The following PTPRT variants were observed in gnomAD, a reference collection of about 807,000 sequenced individuals.
The protein encoded by PTPRT is protein tyrosine phosphatase receptor type T, also known as receptor-type tyrosine-protein phosphatase T.
Under a neutral mutation model 176.8 loss-of-function variants are expected in PTPRT, and 56 were observed. The ratio of observed to expected loss-of-function variants is 0.32; its 90% CI spans 0.26 to 0.40. The LOEUF (loss-of-function observed/expected upper bound fraction) is 0.40. PTPRT is among the 10% of genes least tolerant of loss of function. PTPRT has a pLI of 1.00. For synonymous variants in PTPRT, 783 were observed against 739.0 expected (o/e 1.06, Z -0.96); for missense variants, 1,540 against 1,908.2 (o/e 0.81, Z 3.60).
At chr20:43,040,971 A>G (rs1239616870) in intron 1 of PTPRT, among the ~76,000 whole-genome samples, 1 of 152,248 alleles carries the variant, frequency 6.6e-6, no homozygotes, top group Non-Finnish European at 1.5e-5. Context: ...CACCCCGACC[A>G]GCAGCATCTG....
At chr20:42,321,802 G>C (rs950210920) in intron 11 of PTPRT, among the ~76,000 whole-genome samples, 5 of 152,152 alleles carry the variant, frequency 3.3e-5, no homozygotes, top group African/African-American at 7.2e-5. Context: ...AAGAATTTAA[G>C]GTCGAGCGCG....
chr20:42,164,244 G>C (rs1264610558), intron 16 of PTPRT, among the ~76,000 whole-genome samples: 1 of 152,220 alleles, frequency 6.6e-6, no homozygotes, highest in Non-Finnish European at 1.5e-5. Flanking sequence ...GCCTGGGAAA[G>C]ACAGGCTTCC....
intron 7 of PTPRT, among the ~76,000 whole-genome samples, chr20:42,564,027 C>A (rs371960598): frequency 6.6e-6 from 1 of 152,196 alleles, no homozygotes; most frequent in Non-Finnish European, 1.5e-5. Context: ...ATCTCACCAT[C>A]AGAAGAGGGA....
At chr20:42,566,634 G>A (rs1469235132) in intron 7 of PTPRT, among the ~76,000 whole-genome samples, 3 of 152,148 alleles carry the variant, frequency 2.0e-5, no homozygotes, top group Non-Finnish European at 4.4e-5. Context: ...GGACAAACTT[G>A]GAAGCCATGC....
chr20:42,468,469 C>T (rs926793547), intron 8 of PTPRT, among the ~76,000 whole-genome samples: 38 of 152,338 alleles, frequency 2.5e-4, no homozygotes, highest in African/African-American at 9.1e-4. Context: ...CCTCAGAATA[C>T]AGAACTGAGG....
At chr20:43,158,015 T>C (rs1055940424) in intron 1 of PTPRT, among the ~76,000 whole-genome samples, 1 of 139,292 alleles carries the variant, frequency 7.2e-6, no homozygotes, top group African/African-American at 2.6e-5. Context: ...CTGGCTGCCA[T>C]CTTGAGAGTA....
Position 43,074,477 on chromosome 20 carries a change from G to A in PTPRT, c.88+115169C>T, listed in dbSNP as rs575336019. Reference sequence around the variant, plus strand: ...TCATTTAATTCGACTCTGCAGGATGGAAAGTAACATTGAATAAGTCCTCAT... The same window carrying A: ...TCATTTAATTCGACTCTGCAGGATGAAAAGTAACATTGAATAAGTCCTCAT... On this transcript the variant is annotated intron_variant, in intron 1 of 30. Coordinates refer to ENST00000373187, the MANE Select transcript of PTPRT (RefSeq NM_007050.6). Among the ~76,000 whole-genome samples, 5 of 152,284 alleles carry A rather than the reference G, an allele frequency of 3.3e-5. No individual in the cohort carries two copies. In the South Asian group the frequency reaches 1.0e-3, roughly 32 times the overall value.
intron 7 of PTPRT, among the ~76,000 whole-genome samples, chr20:42,500,036 T>G (rs1158309121): frequency 6.6e-6 from 1 of 152,112 alleles, no homozygotes; most frequent in Admixed American, 6.5e-5. Context: ...TAATTTGAGT[T>G]TTTTTATCCA....
At chr20:42,116,394 C>T (rs1439424232) in intron 21 of PTPRT, among the ~76,000 whole-genome samples, 1 of 152,172 alleles carries the variant, frequency 6.6e-6, no homozygotes, top group Non-Finnish European at 1.5e-5. Context: ...TATAGTGCAA[C>T]AGAGCATGGG....
At chr20:42,033,474 G>C in the PTPRT span, among the ~76,000 whole-genome samples, 488 of 152,276 alleles carry the variant, frequency 3.2e-3, 3 homozygotes, top group African/African-American at 0.01. Context: ...TCTTTGTGGA[G>C]CTGCCATACT....
chr20:42,208,576 T>C (rs1310857529), intron 15 of PTPRT, among the ~76,000 whole-genome samples: 2 of 151,922 alleles, frequency 1.3e-5, no homozygotes, highest in Admixed American at 6.6e-5. Context: ...AAGGGATCAA[T>C]TCAACAAGAA....
chr20:42,340,194 T>G (rs2058092738), intron 11 of PTPRT, among the ~76,000 whole-genome samples: 1 of 152,182 alleles, frequency 6.6e-6, no homozygotes, highest in Non-Finnish European at 1.5e-5. Context: ...TTAACTAGCT[T>G]AAATTTAAAT....
intron 9 of PTPRT, among the ~76,000 whole-genome samples, chr20:42,413,615 G>T (rs1261244620): frequency 6.6e-6 from 1 of 152,122 alleles, no homozygotes; most frequent in Non-Finnish European, 1.5e-5. Flanking sequence ...GTGCAAGATG[G>T]TTCAATATTA....
At chr20:42,892,473 G>T (rs1397313077) in intron 1 of PTPRT, among the ~76,000 whole-genome samples, 1 of 150,644 alleles carries the variant, frequency 6.6e-6, no homozygotes, top group Non-Finnish European at 1.5e-5. Flanking sequence ...TTAATATCCA[G>T]CAGTGGAGCT....
intron 2 of PTPRT, among the ~76,000 whole-genome samples, chr20:42,851,174 T>A (rs2078463233): frequency 6.6e-6 from 1 of 152,212 alleles, no homozygotes; most frequent in African/African-American, 2.4e-5. Context: ...ATCTATTCTG[T>A]TCCCTGCACA....
At chr20:43,072,636 C>T (rs987826672) in intron 1 of PTPRT, among the ~76,000 whole-genome samples, 6 of 152,198 alleles carry the variant, frequency 3.9e-5, no homozygotes, top group African/African-American at 1.4e-4. Flanking sequence ...AACTTTTCTA[C>T]CCAAACTGCA....
chr20:42,364,643 C>T (rs964844318), intron 9 of PTPRT, among the ~76,000 whole-genome samples: 3 of 152,182 alleles, frequency 2.0e-5, no homozygotes, highest in Admixed American at 1.3e-4. Context: ...CAGAAGCAGA[C>T]ACACAGCAGG....
At chr20:42,411,112 A>T (rs2059011224) in intron 9 of PTPRT, among the ~76,000 whole-genome samples, 1 of 152,188 alleles carries the variant, frequency 6.6e-6, no homozygotes, top group South Asian at 2.1e-4. Context: ...AATATAGAAA[A>T]CTAATGAAAA....
chr20:42,694,655 G>T (rs1039682447), intron 6 of PTPRT, among the ~76,000 whole-genome samples: 1 of 152,132 alleles, frequency 6.6e-6, no homozygotes, highest in Non-Finnish European at 1.5e-5. Flanking sequence ...TACTATCAAT[G>T]CATGAGTGGT....
Sources: allele counts gnomAD v4.1 joint callset (sites outside exome capture counted in the v4.1 genomes callset), GRCh38; gene constraint gnomAD v4.1.1; transcripts MANE v1.5; gene names NCBI Gene and HGNC (gene_info 2026-07-23, HGNC 2026-07-21).